Variants in CFAP251 observed in about 807,000 individuals in gnomAD.
CFAP251 encodes cilia- and flagella-associated protein 251.
CFAP251 carries 93 observed loss-of-function variants against 126.7 expected under a neutral mutation model. The observed-to-expected ratio is 0.73, with a 90% confidence interval of 0.62 to 0.87. The LOEUF is 0.87. Among genes scored for constraint, CFAP251 ranks in the 40% least tolerant of loss-of-function variants. The pLI is 0.00. For missense variants in CFAP251, 1,287 were observed against 1,389.2 expected (o/e 0.93, Z 1.17); for synonymous variants, 503 against 506.9 (o/e 0.99, Z 0.10).
At chr12:121,957,001 T>G in intron 10 of CFAP251, 73 bp from the exon 11 acceptor site, 1 of 1,187,614 alleles carries the variant, frequency 8.4e-7, no homozygotes, top group Non-Finnish European at 1.1e-6. Flanking sequence ...GAGCCTGACA[T>G]ATAATTAGGT....
chr12:121,959,394 G>A (rs1174955316), intron 13 of CFAP251: 1 of 260,264 alleles, frequency 3.8e-6, no homozygotes, highest in African/African-American at 2.2e-5. Flanking sequence ...TGAGCTATAA[G>A]GCAGGTATGT....
intron 13 of CFAP251, chr12:121,959,346 C>T (rs1818332768): frequency 8.2e-6 from 3 of 367,802 alleles, no homozygotes; most frequent in Non-Finnish European, 1.5e-5. Context: ...GAGGCTGAGG[C>T]GGGAGGACCC....
chr12:121,988,109 A>T (rs1777354850), intron 19 of CFAP251, among the ~76,000 whole-genome samples: 1 of 151,854 alleles, frequency 6.6e-6, no homozygotes, highest in South Asian at 2.1e-4. Context: ...TATTTTAAAT[A>T]TTTTTAAATA....
rs1303261072 is a variant in CFAP251 at position 121,923,951 on chromosome 12, T to G, written c.708T>G (p.Ile236Met). ...ESLVSSTTEDILFQKDKSTPV... is the reference protein window; with the variant it reads ...ESLVSSTTEDMLFQKDKSTPV... Reference sequence around the variant, plus strand: ...TGGTGTCCAGCACCACAGAGGACATTCTGTTTCAAAAGGATAAAAGCACCC... The same window carrying G: ...TGGTGTCCAGCACCACAGAGGACATGCTGTTTCAAAAGGATAAAAGCACCC... Residue 236 changes from isoleucine (I) to methionine (M), a missense_variant, in exon 3 of 22, where the codon ATT (isoleucine) becomes ATG (methionine). Coordinates refer to ENST00000288912, the MANE Select transcript of CFAP251 (RefSeq NM_144668.6). The G allele has an allele frequency of 6.2e-7, 1 of 1,613,428 alleles. No homozygotes were observed. The highest frequency in any genetic ancestry group is 1.7e-5 in the Admixed American group (1 of 59,832).
intron 19 of CFAP251, chr12:121,997,752 T>C (rs1565926648): frequency 6.8e-6 from 1 of 148,140 alleles, no homozygotes; most frequent in Admixed American, 6.7e-5. Context: ...AATACAATAG[T>C]TTGTTTTTTT....
rs547531868 is a variant in CFAP251 at position 121,942,730 on chromosome 12, G to A, written c.1110+85G>A. 14 of 1,278,978 alleles carry A rather than the reference G, an allele frequency of 1.1e-5. No homozygotes were observed. In the South Asian group the frequency reaches 1.6e-4, roughly 14 times the overall value. 79.2% of individuals were successfully genotyped at this position (1,278,978 alleles called of 1,614,324 possible). ...CCCATGGGCAGCTCTGTTCAGGCTG[G>A]GCTGTGTGATGTCTGTGATATTCTC... On this transcript the variant is annotated intron_variant, in intron 6 of 21. Coordinates refer to ENST00000288912, the MANE Select transcript of CFAP251 (RefSeq NM_144668.6).
chr12:121,973,066 C>G, intron 17 of CFAP251, among the ~76,000 whole-genome samples: 1 of 152,200 alleles, frequency 6.6e-6, no homozygotes, highest in South Asian at 2.1e-4. Flanking sequence ...CCATCACAGT[C>G]CTGGAGGCCT....
chr12:121,942,871 C>T (rs759190369), intron 6 of CFAP251, 24 bp from the exon 7 acceptor site: 6 of 1,612,942 alleles, frequency 3.7e-6, no homozygotes, highest in Non-Finnish European at 5.1e-6. Context: ...CTTCTCATGC[C>T]CCTCTCTCTA....
In CFAP251 at chr12:121,942,607, G is replaced by T; in HGVS notation, c.1072G>T (p.Ala358Ser). Residue 358 changes from alanine (A) to serine (S), a missense_variant, in exon 6 of 22, where the codon GCC (alanine) becomes TCC (serine). By Grantham distance (99) the Ala-to-Ser change is moderately conservative (BLOSUM62 1). Coordinates refer to ENST00000288912, the MANE Select transcript of CFAP251 (RefSeq NM_144668.6). ...CATGGCCATGGCCATGACCCACGAC[G>T]CCAAGTATCTGGCAACCATCTCAGA... Reference protein sequence around the residue: ...GIMAMAMTHDAKYLATISDAE... With the variant: ...GIMAMAMTHDSKYLATISDAE... 2 of 1,613,412 alleles carry T rather than the reference G, an allele frequency of 1.2e-6. No homozygotes were observed.
chr12:121,976,349 C>A (rs1031965300), intron 19 of CFAP251, among the ~76,000 whole-genome samples: 2 of 152,084 alleles, frequency 1.3e-5, no homozygotes, highest in African/African-American at 4.8e-5. Context: ...GCCTACGCAG[C>A]CCTGGGCACG....
At chr12:121,921,178 G>A in intron 1 of CFAP251, 108 bp from the exon 2 acceptor site, 1 of 1,246,374 alleles carries the variant, frequency 8.0e-7, no homozygotes, top group Non-Finnish European at 1.1e-6. Flanking sequence ...TATTCCTATG[G>A]AAAGGGAACA....
At chr12:121,930,594 A>C (rs1252527867) in intron 3 of CFAP251, among the ~76,000 whole-genome samples, 1 of 152,108 alleles carries the variant, frequency 6.6e-6, no homozygotes, top group Non-Finnish European at 1.5e-5. Flanking sequence ...TGTACTTATA[A>C]TTTTTCATTT....
chr12:121,971,191 T>C (rs1882318343), intron 17 of CFAP251, among the ~76,000 whole-genome samples: 1 of 152,216 alleles, frequency 6.6e-6, no homozygotes, highest in African/African-American at 2.4e-5. Flanking sequence ...GGATTGGGCC[T>C]GGGCCTGGCC....
At chr12:121,920,598 G>A (rs367915088) in intron 1 of CFAP251, among the ~76,000 whole-genome samples, 7 of 151,682 alleles carry the variant, frequency 4.6e-5, no homozygotes, top group African/African-American at 7.3e-5. Flanking sequence ...GGGTTTCACC[G>A]TGTTAGCCAG....
At position 121,999,722 on chromosome 12, in the gene CFAP251, G is replaced by C. The variant is rs771864148; in HGVS notation, c.3013G>C (p.Asp1005His). ...GFYPSEEKIDDIFNEIKFGEY... is the reference protein window; with the variant it reads ...GFYPSEEKIDHIFNEIKFGEY... ...TTCCCCATCTTTCCCCTAGATTGATGATATATTTAACGAAATCAAATTTGG... is the reference window on the plus strand; with the variant it reads ...TTCCCCATCTTTCCCCTAGATTGATCATATATTTAACGAAATCAAATTTGG... Residue 1005 changes from aspartate to histidine, a missense_variant, in exon 20 of 22, where the codon GAT becomes CAT. Coordinates refer to ENST00000288912, the MANE Select transcript of CFAP251 (RefSeq NM_144668.6). The C allele has an allele frequency of 6.2e-7, 1 of 1,602,118 alleles. No homozygotes were observed. Among genetic ancestry groups the C allele is most frequent in the South Asian group, 1.1e-5 (1 of 90,578 alleles).
chr12:121,959,009 A>C lies in CFAP251; in HGVS notation c.2048A>C (p.Asn683Thr), dbSNP rs1881832715. 6.2e-7 allele frequency: 1 copy of C among 1,612,752 alleles called. No homozygotes were observed. The highest frequency in any genetic ancestry group is 1.3e-5 in the African/African-American group (1 of 74,836). ...ATTCTTGATGCAATGTCTTTAGAAAATGAAAGCCCAGAGCCTTTCAAATAT... is the reference window on the plus strand; with the variant it reads ...ATTCTTGATGCAATGTCTTTAGAAACTGAAAGCCCAGAGCCTTTCAAATAT... ...VYILDAMSLE[N>T]ESPEPFKYSR... Residue 683 changes from asparagine (N) to threonine (T), a missense_variant, in exon 13 of 22, where the codon AAT becomes ACT. Transcript: ENST00000288912.
In CFAP251 at chr12:121,975,580, T is replaced by A. The variant is rs1882437083; in HGVS notation, c.2901T>A (p.Ser967Arg). Residue 967 changes from serine (S) to arginine (R), a missense_variant, in exon 19 of 22, where the codon AGT becomes AGA. Physicochemically the swap from Ser to Arg is moderately radical, Grantham distance 110 (BLOSUM62 -1). Coordinates refer to ENST00000288912, the MANE Select transcript of CFAP251 (RefSeq NM_144668.6). ...ACTTCTACTATTCTCAGCTCCGCAG[T>A]CAAGGCATCGACACAATGGAGACCA... The part of the protein sequence containing the change: ...EDYFYYSQLR[S>R]QGIDTMETRK... The A allele has an allele frequency of 6.2e-7, 1 of 1,606,606 alleles. No homozygotes were observed. The highest frequency in any genetic ancestry group is 1.1e-5 in the South Asian group (1 of 89,118).
intron 19 of CFAP251, among the ~76,000 whole-genome samples, chr12:121,983,396 CAAA>C (rs10713983): frequency 1.1e-4 from 8 of 69,922 alleles, no homozygotes; most frequent in Admixed American, 3.3e-4. Context: ...CATAGCTCTC[CAAA>C]AAAAAAAAAA....
intron 19 of CFAP251, chr12:121,992,370 AGTCAT>A (rs1359699915): frequency 1.5e-5 from 15 of 985,298 alleles, no homozygotes; most frequent in Non-Finnish European, 1.8e-5. Flanking sequence ...ATTCTTGATC[AGTCAT>A]ACGGGAAGAG....
Sources: gnomAD v4.1 joint callset for allele counts (sites outside exome capture counted in the v4.1 genomes callset) on GRCh38, gnomAD v4.1.1 for gene constraint, MANE v1.5 for transcripts, NCBI Gene and HGNC (gene_info 2026-07-23, HGNC 2026-07-21) for gene names.